CPNE4: variants seen among roughly 807,000 people sequenced by gnomAD.
CPNE4 encodes copine 4, also known as copine-4.
CPNE4 carries 25 observed loss-of-function variants against 67.9 expected under a neutral mutation model. The ratio of observed to expected loss-of-function variants is 0.37; its 90% CI spans 0.27 to 0.51. CPNE4 has a LOEUF of 0.51. Among genes scored for constraint, CPNE4 ranks in the 20% least tolerant of loss-of-function variants. CPNE4 has a pLI of 0.93. For synonymous variants in CPNE4, 242 were observed against 244.9 expected (o/e 0.99, Z 0.11); for missense variants, 464 against 690.8 (o/e 0.67, Z 3.68).
intron 1 of CPNE4, among the ~76,000 whole-genome samples, chr3:131,951,698 G>C (rs942276329): frequency 5.3e-5 from 8 of 152,078 alleles, no homozygotes; most frequent in African/African-American, 1.7e-4. Flanking sequence ...GAGTGCCTGC[G>C]ACTGCAAGCG....
chr3:131,801,428 G>A lies in CPNE4; in HGVS notation c.181-77803C>T, dbSNP rs796707359. ...GGTACATATATACGTGTGTGTGTGTGTGTGTGTGTGTGTGTGTGTGTGTGT... is the reference window on the plus strand; with the variant it reads ...GGTACATATATACGTGTGTGTGTGTATGTGTGTGTGTGTGTGTGTGTGTGT... On this transcript the variant is annotated intron_variant, in intron 2 of 15. Coordinates refer to ENST00000429747, the MANE Select transcript of CPNE4 (RefSeq NM_130808.3). Among the ~76,000 whole-genome samples the A allele has an allele frequency of 2.0e-3, 182 of 91,900 alleles. 10 individuals carry two copies. The highest frequency in any genetic ancestry group is 7.5e-3 in the African/African-American group (162 of 21,628). The allele number at this position is 91,900 out of a possible 152,430, so 60.3% of individuals were successfully genotyped here.
chr3:131,790,955 A>T (rs1364162512), intron 2 of CPNE4, among the ~76,000 whole-genome samples: 4 of 152,194 alleles, frequency 2.6e-5, no homozygotes, highest in Admixed American at 2.6e-4. Context: ...ACCAAAAAAA[A>T]TTTCCATAAC....
rs561626017 is a variant in CPNE4, at chr3:131,876,111, C to T, written c.180+29153G>A. Among the ~76,000 whole-genome samples, 8 of 152,172 alleles carry T rather than the reference C, an allele frequency of 5.3e-5. 1 individual carries two copies. The South Asian group carries it at 1.5e-3, about 28-fold the overall frequency. On this transcript the variant is annotated intron_variant, in intron 2 of 15. Coordinates refer to ENST00000429747, the MANE Select transcript of CPNE4 (RefSeq NM_130808.3). The stretch of plus-strand genomic sequence containing the variant: ...CTACAAGGTCAGGTGTGGTGGCACA[C>T]GCCTGTAGTCCCAGCTACTCAGAAG...
At chr3:131,689,835 T>A (rs2080989960) in intron 5 of CPNE4, among the ~76,000 whole-genome samples, 1 of 152,288 alleles carries the variant, frequency 6.6e-6, no homozygotes, top group Non-Finnish European at 1.5e-5. Context: ...GGTGAAAGAC[T>A]CCTAGAACTG....
chr3:131,548,387 A>C (rs985348826), intron 14 of CPNE4, among the ~76,000 whole-genome samples: 1 of 152,090 alleles, frequency 6.6e-6, no homozygotes, highest in Non-Finnish European at 1.5e-5. Context: ...ATATGAAAGT[A>C]GAGAGACATA....
intron 2 of CPNE4, among the ~76,000 whole-genome samples, chr3:131,898,799 A>G (rs1583422425): frequency 6.6e-6 from 1 of 152,246 alleles, no homozygotes; most frequent in East Asian, 1.9e-4. Flanking sequence ...ACTCAGGGTA[A>G]GATTTCTAAT....
chr3:131,961,713 T>C lies in CPNE4; in HGVS notation c.-1-56269A>G, dbSNP rs568967754. ...AGGACTAAAGATAGAACATACAGGATTGAAGGGGGCTCATGGTCCCACATT... is the reference window on the plus strand; with the variant it reads ...AGGACTAAAGATAGAACATACAGGACTGAAGGGGGCTCATGGTCCCACATT... On this transcript the variant is annotated intron_variant, in intron 1 of 15. Transcript: ENST00000429747. Among the ~76,000 whole-genome samples, 26 of 152,296 alleles carry C rather than the reference T, an allele frequency of 1.7e-4. No individual in the cohort carries two copies. The East Asian group carries it at 4.8e-3, about 28-fold the overall frequency.
At position 131,757,963 on chromosome 3, in the gene CPNE4, C is replaced by T. The variant is rs528955342; in HGVS notation, c.181-34338G>A. Among the ~76,000 whole-genome samples, 6 of 152,328 alleles carry T rather than the reference C, an allele frequency of 3.9e-5. 1 individual carries two copies. In the South Asian group the frequency reaches 1.2e-3, roughly 32 times the overall value. ...AAGTCAAGAACTGAGGTTTGGGAAC[C>T]TCTGCCTAGATTTCAGAAGATGTAT... On this transcript the variant is annotated intron_variant, in intron 2 of 15. Coordinates refer to ENST00000429747, the MANE Select transcript of CPNE4 (RefSeq NM_130808.3).
intron 2 of CPNE4, among the ~76,000 whole-genome samples, chr3:131,724,127 A>C (rs2081951385): frequency 6.6e-6 from 1 of 152,206 alleles, no homozygotes; most frequent in Non-Finnish European, 1.5e-5. Flanking sequence ...TGGTGGGCAC[A>C]GTAATGGAGA....
chr3:131,996,494 A>G (rs966521527), intron 1 of CPNE4, among the ~76,000 whole-genome samples: 1 of 151,268 alleles, frequency 6.6e-6, no homozygotes, highest in African/African-American at 2.4e-5. Flanking sequence ...AAAATAATAA[A>G]AAAAAGAGAG....
chr3:131,721,398 C>CATTT (rs57350854), intron 3 of CPNE4, among the ~76,000 whole-genome samples: 10,629 of 128,284 alleles, frequency 0.083, 764 homozygotes, highest in Non-Finnish European at 0.12. Context: ...ACGGATCTAC[C>CATTT]TTTTTTTTTT....
At chr3:131,759,222 A>C (rs1383071524) in intron 2 of CPNE4, among the ~76,000 whole-genome samples, 1 of 152,138 alleles carries the variant, frequency 6.6e-6, no homozygotes, top group Non-Finnish European at 1.5e-5. Flanking sequence ...GGTTGGCAGG[A>C]TCTAGGGGTA....
chr3:131,953,051 G>C (rs972262168), intron 1 of CPNE4, among the ~76,000 whole-genome samples: 41 of 151,790 alleles, frequency 2.7e-4, no homozygotes, highest in Non-Finnish European at 4.1e-4. Context: ...CAGCATGCTC[G>C]TTAAGAGTCA....
chr3:131,548,711 A>G (rs1264049070), intron 14 of CPNE4, among the ~76,000 whole-genome samples: 4 of 152,152 alleles, frequency 2.6e-5, no homozygotes, highest in Middle Eastern at 6.3e-3. Context: ...AGCGAAAGAG[A>G]AAATGATAAG....
chr3:131,911,853 C>A (rs887781595), intron 1 of CPNE4, among the ~76,000 whole-genome samples: 11 of 152,046 alleles, frequency 7.2e-5, no homozygotes, highest in Admixed American at 6.6e-4. Flanking sequence ...TGTGCCTGAC[C>A]TTGACTTTGG....
At chr3:131,693,546 T>C (rs1474577424) in intron 5 of CPNE4, among the ~76,000 whole-genome samples, 1 of 152,200 alleles carries the variant, frequency 6.6e-6, no homozygotes, top group East Asian at 1.9e-4. Flanking sequence ...TTGTGCTGTA[T>C]TCAATCTGTT....
chr3:131,970,093 G>T (rs763632902), intron 1 of CPNE4, among the ~76,000 whole-genome samples: 35 of 152,178 alleles, frequency 2.3e-4, no homozygotes, highest in Non-Finnish European at 4.1e-4. Context: ...CATATGACTT[G>T]CTTTGGCCAG....
In CPNE4 at chr3:131,565,347, C is replaced by T. The variant is rs184555908; in HGVS notation, c.928-998G>A. 1.0e-3 allele frequency among the ~76,000 whole-genome samples: 154 copies of T among 152,102 alleles called. 1 individual carries two copies. Among genetic ancestry groups the T allele is most frequent in the African/African-American group, 3.5e-3 (147 of 41,532 alleles). ...AGAATACATTCATTGGCTTACTATGCCCGAAAGGCTCTATTTTTTCATATG... is the reference window on the plus strand; with the variant it reads ...AGAATACATTCATTGGCTTACTATGTCCGAAAGGCTCTATTTTTTCATATG... On this transcript the variant is annotated intron_variant, in intron 10 of 15. Coordinates refer to ENST00000429747, the MANE Select transcript of CPNE4 (RefSeq NM_130808.3).
chr3:131,851,917 C>T (rs1335239664), intron 2 of CPNE4, among the ~76,000 whole-genome samples: 1 of 151,996 alleles, frequency 6.6e-6, no homozygotes, highest in East Asian at 1.9e-4. Context: ...GATTCCAGCC[C>T]TTTCCTGATA....
Sources: gnomAD v4.1 joint callset for allele counts (sites outside exome capture counted in the v4.1 genomes callset) on GRCh38, gnomAD v4.1.1 for gene constraint, MANE v1.5 for transcripts, NCBI Gene and HGNC (gene_info 2026-07-23, HGNC 2026-07-21) for gene names.